Variants in QTMAN observed in about 807,000 individuals in gnomAD.
QTMAN encodes the protein tRNA-queuosine alpha-mannosyltransferase.
At chr2:144,050,704 T>A in the QTMAN span, among the ~76,000 whole-genome samples, 1 of 152,168 alleles carries the variant, frequency 6.6e-6, no homozygotes, top group Non-Finnish European at 1.5e-5. Flanking sequence ...AATCTGTAAG[T>A]CTTTCCAAAA....
At chr2:144,010,583 G>A in the QTMAN span, among the ~76,000 whole-genome samples, 2 of 152,110 alleles carry the variant, frequency 1.3e-5, no homozygotes, top group Non-Finnish European at 2.9e-5. Flanking sequence ...TCTGGATCTT[G>A]TTGTACAGGG....
At chr2:144,199,546 G>C in the QTMAN span, among the ~76,000 whole-genome samples, 1 of 152,050 alleles carries the variant, frequency 6.6e-6, no homozygotes, top group African/African-American at 2.4e-5. Flanking sequence ...GGCTGAAAAA[G>C]GAAATCTGAA....
chr2:144,006,116 A>G, the QTMAN span: 1 of 152,160 alleles, frequency 6.6e-6, no homozygotes, highest in African/African-American at 2.4e-5. Flanking sequence ...TGATTTAAAT[A>G]TACCTGTCAC....
the QTMAN span, among the ~76,000 whole-genome samples, chr2:144,116,409 G>A: frequency 1.4e-4 from 21 of 152,028 alleles, no homozygotes; most frequent in Non-Finnish European, 2.6e-4. Context: ...CCATTCAGAT[G>A]TAGTTCCAGA....
At chr2:144,174,181 C>T in the QTMAN span, among the ~76,000 whole-genome samples, 1 of 152,176 alleles carries the variant, frequency 6.6e-6, no homozygotes, top group African/African-American at 2.4e-5. Context: ...TACAGACATC[C>T]AGAATTCTCT....
chr2:144,054,065 G>A, the QTMAN span, among the ~76,000 whole-genome samples: 1 of 152,056 alleles, frequency 6.6e-6, no homozygotes, highest in Non-Finnish European at 1.5e-5. Context: ...GTGGGCGCCT[G>A]TAGTCCCAGC....
the QTMAN span, among the ~76,000 whole-genome samples, chr2:144,185,339 T>C: frequency 1.3e-5 from 2 of 152,158 alleles, no homozygotes; most frequent in East Asian, 1.9e-4. Flanking sequence ...TGTTCTCCTA[T>C]GTTTCACAGT....
At chr2:144,145,625 GACA>G in the QTMAN span, 3 of 1,610,444 alleles carry the variant, frequency 1.9e-6, no homozygotes, top group Non-Finnish European at 2.5e-6. Context: ...GACATTTCTT[GACA>G]GGATATATCA....
the QTMAN span, among the ~76,000 whole-genome samples, chr2:143,982,362 C>G: frequency 6.6e-6 from 1 of 151,888 alleles, no homozygotes; most frequent in East Asian, 2.0e-4. Flanking sequence ...TACCAAGTAT[C>G]TGGGATTACA....
the QTMAN span, among the ~76,000 whole-genome samples, chr2:143,991,283 G>A: frequency 6.6e-6 from 1 of 151,984 alleles, no homozygotes; most frequent in Admixed American, 6.5e-5. Flanking sequence ...TAAAAGAAGT[G>A]GATTTCTAAA....
chr2:144,284,263 A>C, the QTMAN span, among the ~76,000 whole-genome samples: 1 of 152,074 alleles, frequency 6.6e-6, no homozygotes, highest in Non-Finnish European at 1.5e-5. Flanking sequence ...CCATGGAAAA[A>C]AATCAAAATA....
chr2:144,090,992 A>G, the QTMAN span, among the ~76,000 whole-genome samples: 1 of 152,050 alleles, frequency 6.6e-6, no homozygotes, highest in Non-Finnish European at 1.5e-5. Flanking sequence ...TGACATCAAA[A>G]AAGACAAATA....
At chr2:144,313,517 C>G in the QTMAN span, among the ~76,000 whole-genome samples, 1 of 151,920 alleles carries the variant, frequency 6.6e-6, no homozygotes, top group Non-Finnish European at 1.5e-5. Context: ...CTAAACATAT[C>G]AAGGAAAAAG....
the QTMAN span, among the ~76,000 whole-genome samples, chr2:144,180,640 C>T: frequency 1.3e-5 from 2 of 152,104 alleles, no homozygotes; most frequent in African/African-American, 4.8e-5. Context: ...TGATGTGTTT[C>T]ACATTTTTAA....
chr2:144,010,799 T>TA, the QTMAN span, among the ~76,000 whole-genome samples: 1 of 152,112 alleles, frequency 6.6e-6, no homozygotes, highest in Non-Finnish European at 1.5e-5. Flanking sequence ...GAAGGGTACA[T>TA]AATAAGAGTC....
the QTMAN span, among the ~76,000 whole-genome samples, chr2:144,332,031 C>A: frequency 6.6e-6 from 1 of 152,214 alleles, no homozygotes; most frequent in Non-Finnish European, 1.5e-5. Flanking sequence ...TTCTCCCGCG[C>A]GAGGGCGACG....
chr2:144,175,634 T>C, the QTMAN span, among the ~76,000 whole-genome samples: 1 of 151,926 alleles, frequency 6.6e-6, no homozygotes, highest in African/African-American at 2.4e-5. Flanking sequence ...TAGAGAGATA[T>C]TTATCTGTAT....
At chr2:143,953,712 G>A in the QTMAN span, among the ~76,000 whole-genome samples, 2 of 151,936 alleles carry the variant, frequency 1.3e-5, no homozygotes, top group African/African-American at 4.8e-5. Flanking sequence ...TAGAAATTAT[G>A]CAGTGAAATT....
chr2:144,155,505 A>G, the QTMAN span, among the ~76,000 whole-genome samples: 1 of 152,182 alleles, frequency 6.6e-6, no homozygotes, highest in Non-Finnish European at 1.5e-5. Context: ...TAAAAGCAGC[A>G]TATCATTTTA....
Sources: allele counts gnomAD v4.1 joint callset (sites outside exome capture counted in the v4.1 genomes callset), GRCh38; gene constraint gnomAD v4.1.1; transcripts MANE v1.5; gene names NCBI Gene and HGNC (gene_info 2026-07-23, HGNC 2026-07-21).